RIPOR2: variants seen among roughly 807,000 people sequenced by gnomAD.
RIPOR2 encodes the protein rho family-interacting cell polarization regulator 2.
In RIPOR2, 39 loss-of-function variants were observed where a neutral mutation model predicts 114.5. The ratio of observed to expected loss-of-function variants is 0.34; its 90% confidence interval spans 0.26 to 0.44. RIPOR2 has a LOEUF of 0.44. Among genes scored for constraint, RIPOR2 ranks in the 20% least tolerant of loss-of-function variants. The probability of loss-of-function intolerance (pLI) is 1.00; values close to 1 mark genes in which losing one functional copy is unlikely to be tolerated. For synonymous variants in RIPOR2, 445 were observed against 484.4 expected (o/e 0.92, Z 1.07); for missense variants, 1,007 against 1,255.1 (o/e 0.80, Z 2.99).
chr6:25,022,599 G>A (rs763420496), intron 1 of RIPOR2, among the ~76,000 whole-genome samples: 1 of 113,126 alleles, frequency 8.8e-6, no homozygotes, highest in Non-Finnish European at 1.8e-5. Flanking sequence ...ACCCAGGCTG[G>A]AGTGGGTTGT....
chr6:24,882,100 G>A (rs1766404255), intron 1 of RIPOR2, among the ~76,000 whole-genome samples: 1 of 152,204 alleles, frequency 6.6e-6, no homozygotes. Context: ...AGGCCCTAAA[G>A]TGCAGCTCAT....
intron 1 of RIPOR2, among the ~76,000 whole-genome samples, chr6:24,884,147 G>A (rs1456683688): frequency 6.6e-6 from 1 of 152,146 alleles, no homozygotes; most frequent in Non-Finnish European, 1.5e-5. Flanking sequence ...GGTGGCTCAC[G>A]CCTGTAATCC....
chr6:24,841,849 C>A (rs1405243762), intron 13 of RIPOR2, among the ~76,000 whole-genome samples: 16 of 152,088 alleles, frequency 1.1e-4, no homozygotes, highest in Admixed American at 1.0e-3. Flanking sequence ...AACTCCTGGG[C>A]TCAAGTCATC....
intron 19 of RIPOR2, among the ~76,000 whole-genome samples, chr6:24,825,001 G>A (rs1406503365): frequency 6.6e-6 from 1 of 152,144 alleles, no homozygotes; most frequent in Non-Finnish European, 1.5e-5. Context: ...CATATATATA[G>A]ATACAATCTG....
rs565237266 is a variant in RIPOR2 at position 25,000,759 on chromosome 6, G to C, written c.76+41092C>G. On this transcript the variant is annotated intron_variant, in intron 1 of 13. Coordinates refer to the RIPOR2 transcript ENST00000510784. ...AATCCAGCACTGAGCCTGCTGCCCC[G>C]AAGTTCCCCAGCATTGCTGCTTTTG... Among the ~76,000 whole-genome samples, 7 of 152,114 alleles carry C rather than the reference G, an allele frequency of 4.6e-5. No homozygotes were observed. The South Asian group carries it at 6.2e-4, about 14-fold the overall frequency.
chr6:24,820,649 T>C (rs139974378), intron 19 of RIPOR2, among the ~76,000 whole-genome samples: 41 of 152,304 alleles, frequency 2.7e-4, no homozygotes, highest in Non-Finnish European at 2.4e-4. Context: ...TGCTCTTTCA[T>C]TTGGCATAGT....
At chr6:24,818,515 C>T in intron 20 of RIPOR2, 27 bp downstream of exon 20, 1 of 1,478,806 alleles carries the variant, frequency 6.8e-7, no homozygotes, top group Non-Finnish European at 9.2e-7. Flanking sequence ...GCTGAGCTGC[C>T]AGGGGAGCTC....
chr6:24,840,021 C>T, intron 13 of RIPOR2: 1 of 870,830 alleles, frequency 1.1e-6, no homozygotes, highest in Non-Finnish European at 1.4e-6. Flanking sequence ...GTGATCACAG[C>T]TCACTGCAGC....
chr6:24,833,318 T>A (rs1035481126), intron 15 of RIPOR2, among the ~76,000 whole-genome samples: 2 of 151,966 alleles, frequency 1.3e-5, no homozygotes, highest in Non-Finnish European at 2.9e-5. Flanking sequence ...CTGGCCAACA[T>A]GACGAAACCC....
chr6:24,843,309 T>C lies in RIPOR2; in HGVS notation c.1410A>G (p.Gly470=), dbSNP rs1227271499. ...TSSASSRNSL[G]EGQEPKSHLK... is the part of the protein sequence containing the mutation. ...GGTGTGACTTTGGCTCTTGGCCTTC[T>C]CCCAGGGAGTTCCTGGAAGATGCTG... Residue 470 remains glycine, a synonymous_variant, in exon 13 of 22, where the codon GGA becomes GGG. Transcript: ENST00000643898. The C allele has an allele frequency of 3.1e-6, 5 of 1,613,888 alleles. No homozygotes were observed. In the South Asian group the frequency reaches 5.5e-5, roughly 18 times the overall value.
intron 8 of RIPOR2, among the ~76,000 whole-genome samples, chr6:24,852,857 G>C (rs1317845746): frequency 6.6e-6 from 1 of 152,130 alleles, no homozygotes; most frequent in Non-Finnish European, 1.5e-5. Context: ...GGGGAGGCTG[G>C]GCAAGGAGGG....
intron 1 of RIPOR2, among the ~76,000 whole-genome samples, chr6:24,977,427 T>C (rs1056249825): frequency 6.6e-6 from 1 of 152,162 alleles, no homozygotes; most frequent in African/African-American, 2.4e-5. Flanking sequence ...ACATGTTTAA[T>C]TTAAAACAGA....
At chr6:24,948,223 T>C (rs1251841081) in intron 1 of RIPOR2, 3 of 152,230 alleles carry the variant, frequency 2.0e-5, no homozygotes, top group Non-Finnish European at 4.4e-5. Flanking sequence ...GATTCTTATA[T>C]AGTCCCAACA....
intron 12 of RIPOR2, chr6:24,847,689 C>A (rs1462514417): frequency 6.5e-7 from 1 of 1,550,272 alleles, no homozygotes; most frequent in East Asian, 2.4e-5. Flanking sequence ...GATGCAGCCA[C>A]CTCTTCAGAA....
chr6:24,871,624 A>T (rs1036247746), intron 4 of RIPOR2, among the ~76,000 whole-genome samples: 1 of 152,212 alleles, frequency 6.6e-6, no homozygotes, highest in African/African-American at 2.4e-5. Context: ...AGTGCTGGGG[A>T]TTACAGGTGT....
intron 1 of RIPOR2, among the ~76,000 whole-genome samples, chr6:25,031,699 T>TTA (rs58886088): frequency 1.3e-3 from 46 of 35,432 alleles, no homozygotes; most frequent in East Asian, 2.0e-3. Flanking sequence ...TAGGTGGTAG[T>TTA]TATATATATA....
At chr6:24,829,177 G>A (rs9467326) in intron 17 of RIPOR2, among the ~76,000 whole-genome samples, 3,279 of 152,160 alleles carry the variant, frequency 0.022, 116 homozygotes, top group African/African-American at 0.072. Context: ...GCTGGTCATG[G>A]TGGCATGTGC....
At chr6:24,957,093 G>A (rs1773072554) in intron 1 of RIPOR2, among the ~76,000 whole-genome samples, 1 of 152,126 alleles carries the variant, frequency 6.6e-6, no homozygotes, top group Non-Finnish European at 1.5e-5. Context: ...ATATGAGGTA[G>A]CTTTGAATTA....
chr6:24,935,662 C>T (rs1771757495), intron 1 of RIPOR2, among the ~76,000 whole-genome samples, 176 bp downstream of exon 1: 1 of 152,158 alleles, frequency 6.6e-6, no homozygotes, highest in Non-Finnish European at 1.5e-5. Context: ...CACCCCTTGC[C>T]TTGTGTATTC....
Sources: gnomAD v4.1 joint callset for allele counts (sites outside exome capture counted in the v4.1 genomes callset) on GRCh38, gnomAD v4.1.1 for gene constraint, MANE v1.5 for transcripts, NCBI Gene and HGNC (gene_info 2026-07-23, HGNC 2026-07-21) for gene names.